Variants in NCOR2 observed in about 807,000 individuals in gnomAD.
NCOR2 encodes the protein nuclear receptor corepressor 2.
Under a neutral mutation model 262.9 loss-of-function variants are expected in NCOR2, and 81 were observed. That is an observed-to-expected ratio of 0.31 (90% CI 0.26 to 0.37). NCOR2 has a LOEUF of 0.37. Ranked by LOEUF, NCOR2 falls within the 10% of genes least tolerant of loss-of-function variation. The pLI, the probability that NCOR2 is intolerant of heterozygous loss-of-function variation, is 1.00. For synonymous variants in NCOR2, 1,659 were observed against 1,559.3 expected, an observed-to-expected ratio of 1.06 and a Z score of -1.51; for missense variants, 3,385 against 3,621.4, an observed-to-expected ratio of 0.93 and a Z score of 1.68.
chr12:124,370,425 C>A (rs2039403686), intron 20 of NCOR2, among the ~76,000 whole-genome samples: 1 of 152,182 alleles, frequency 6.6e-6, no homozygotes, highest in African/African-American at 2.4e-5. Flanking sequence ...CCAGGGTGAA[C>A]CCCAGGGCAG....
At chr12:124,431,985 C>T (rs2043978416) in intron 8 of NCOR2, among the ~76,000 whole-genome samples, 1 of 151,984 alleles carries the variant, frequency 6.6e-6, no homozygotes, top group African/African-American at 2.4e-5. Flanking sequence ...GGCAGGCAGA[C>T]ACACACACAT....
At chr12:124,493,247 G>A (rs1383117581) in intron 1 of NCOR2, among the ~76,000 whole-genome samples, 1 of 152,176 alleles carries the variant, frequency 6.6e-6, no homozygotes, top group South Asian at 2.1e-4. Context: ...CTAGGAGCCG[G>A]GTGAGGGCGG....
At chr12:124,433,845 TACAC>T (rs1204258133) in intron 8 of NCOR2, among the ~76,000 whole-genome samples, 13 of 18,280 alleles carry the variant, frequency 7.1e-4, no homozygotes, top group African/African-American at 8.3e-4. Context: ...CTCTCTGTCT[TACAC>T]ACACACACAC....
At chr12:124,533,048 TCCCCCACCCCAGTCCCAC>T (rs2050926752) in intron 1 of NCOR2, among the ~76,000 whole-genome samples, 1 of 83,416 alleles carries the variant, frequency 1.2e-5, no homozygotes, top group African/African-American at 6.1e-5. Context: ...CCACTCCTCC[TCCCCCACCCCAGTCCCAC>T]TCCTCCTTCT....
chr12:124,519,249 G>A (rs2050038939), intron 1 of NCOR2, among the ~76,000 whole-genome samples: 1 of 152,104 alleles, frequency 6.6e-6, no homozygotes, highest in South Asian at 2.1e-4. Context: ...CCGTAGAAGG[G>A]GCAGGCTGAG....
intron 20 of NCOR2, among the ~76,000 whole-genome samples, chr12:124,365,049 G>A (rs923303511): frequency 6.6e-6 from 1 of 151,828 alleles, no homozygotes; most frequent in Non-Finnish European, 1.5e-5. Context: ...GCGTTTGCAG[G>A]TATGGAGATG....
chr12:124,481,557 G>A lies in NCOR2; in HGVS notation c.411+2039C>T, dbSNP rs1052456800. Among the ~76,000 whole-genome samples the A allele has an allele frequency of 4.6e-5, 7 of 152,302 alleles. No homozygotes were observed. The highest frequency in any genetic ancestry group is 4.1e-4 in the South Asian group (2 of 4,824). ...TGTGCCTGGGGGAGGGCGCTCCTGC[G>A]GAGGGCACAGCCGGTGCAAAGGTCC... On this transcript the variant is annotated intron_variant, in intron 3 of 46. Coordinates refer to ENST00000405201, the Ensembl canonical transcript of NCOR2. The surrounding 1 kb of genome is among the most constrained non-coding windows in gnomAD (Gnocchi z 4.6).
chr12:124,492,394 G>A (rs1228873720), intron 1 of NCOR2, among the ~76,000 whole-genome samples: 1 of 152,206 alleles, frequency 6.6e-6, no homozygotes, highest in South Asian at 2.1e-4. Flanking sequence ...CCACACTGAG[G>A]TCTCACAGGC....
At chr12:124,518,755 C>T (rs929292858) in intron 1 of NCOR2, among the ~76,000 whole-genome samples, 10 of 152,248 alleles carry the variant, frequency 6.6e-5, no homozygotes, top group Non-Finnish European at 8.8e-5. Context: ...GCTCTTCGCT[C>T]GCTGGCAGGC....
At chr12:124,332,999 C>T in intron 42 of NCOR2, 131 bp downstream of exon 44, 1 of 1,268,486 alleles carries the variant, frequency 7.9e-7, no homozygotes, top group Non-Finnish European at 1.1e-6. Flanking sequence ...ACCTGCTTGG[C>T]AGGCTTGAGG....
At chr12:124,543,889 TGAAGCTCAGG>T (rs2051458962) in intron 1 of NCOR2, among the ~76,000 whole-genome samples, 1 of 152,232 alleles carries the variant, frequency 6.6e-6, no homozygotes, top group African/African-American at 2.4e-5. Context: ...CCTCGGTGCC[TGAAGCTCAGG>T]GTTTCGCTGC....
chr12:124,378,487 C>G lies in NCOR2; in HGVS notation c.2020-103G>C, dbSNP rs1191636015. ...CCGCAGGTGCAAAGGGCAGTGATCC[C>G]GGCCATGTAGCAATGAGGGTGACCG... On this transcript the variant is annotated intron_variant, in intron 17 of 46. Transcript: ENST00000405201. This position sits in a 1 kb window ranked among gnomAD's most constrained non-coding sequence, Gnocchi z 4.2. The G allele has an allele frequency of 1.6e-6, 2 of 1,227,138 alleles. No homozygotes were observed. The highest frequency in any genetic ancestry group is 2.2e-6 in the Non-Finnish European group (2 of 901,734). 76.0% of individuals were successfully genotyped at this position (1,227,138 alleles called of 1,614,324 possible).
rs775249993 is a variant in NCOR2, at chr12:124,457,196, T to A, written c.706-34A>T. On this transcript the variant is annotated intron_variant, in intron 5 of 46. Transcript: ENST00000405201. This position sits in a 1 kb window ranked among gnomAD's most constrained non-coding sequence, Gnocchi z 4.0. ...TGATGGCGAAGAGGAGGAATTTTTT[T>A]AAAAAACAAAAAAACACAGATTATA... 22 of 1,535,472 alleles carry A rather than the reference T, an allele frequency of 1.4e-5. No individual in the cohort carries two copies. Among genetic ancestry groups the A allele is most frequent in the Admixed American group, 4.8e-5 (2 of 41,662 alleles).
chr12:124,355,450 T>G lies in NCOR2; in HGVS notation c.3363A>C (p.Gln1121His), dbSNP rs749987781. Residue 1121 changes from glutamine to histidine, a missense_variant, in exon 24 of 47, where the codon CAA (glutamine) becomes CAC (histidine). Transcript: ENST00000405201. ...CACTCACTTGGGAGATGGCACCTAT[T>G]TGCCTCTCGAGGACGCTGGGGTGCT... The G allele has an allele frequency of 1.9e-5, 30 of 1,613,256 alleles. No individual in the cohort carries two copies. The South Asian group carries it at 3.3e-4, about 18-fold the overall frequency.
Position 124,473,226 on chromosome 12 carries a change from T to C in NCOR2, c.412-95A>G, listed in dbSNP as rs1000306128. On this transcript the variant is annotated intron_variant, in intron 3 of 46. Transcript: ENST00000405201. ...GGTTAATACTGTCAACCTGATTGGA[T>C]TGAAGGAGGCAAAGTATTGATCCTC... 45 of 1,410,418 alleles carry C rather than the reference T, an allele frequency of 3.2e-5. No homozygotes were observed. The Admixed American group carries it at 6.8e-4, about 21-fold the overall frequency. The allele number at this position is 1,410,418 out of a possible 1,614,324, so 87.4% of individuals were successfully genotyped here. A position where few individuals can be genotyped will look rare whatever the true frequency, so the allele number is the denominator to read the frequency against.
chr12:124,551,109 C>G (rs773876612), intron 1 of NCOR2, among the ~76,000 whole-genome samples: 4 of 152,196 alleles, frequency 2.6e-5, no homozygotes, highest in Non-Finnish European at 5.9e-5. Flanking sequence ...GTCTATTACC[C>G]TTCTAATTCT....
At chr12:124,533,986 G>A (rs2137180127) in intron 1 of NCOR2, among the ~76,000 whole-genome samples, 1 of 150,972 alleles carries the variant, frequency 6.6e-6, no homozygotes, top group South Asian at 2.1e-4. Context: ...TATTTTCTGG[G>A]TGGCCCAAGA....
chr12:124,335,556 G>A, exon 39 of NCOR2: 1 of 1,609,592 alleles, frequency 6.2e-7, no homozygotes, highest in South Asian at 1.1e-5. Context: ...GGAGCCCCTT[G>A]TCGTGGGTCA....
At chr12:124,448,569 G>A (rs972591966) in intron 7 of NCOR2, among the ~76,000 whole-genome samples, 1 of 152,174 alleles carries the variant, frequency 6.6e-6, no homozygotes, top group African/African-American at 2.4e-5. Flanking sequence ...AAGTATCTTT[G>A]TCAGGTGCTC....
Sources: gnomAD v4.1 joint callset for allele counts (sites outside exome capture counted in the v4.1 genomes callset) on GRCh38, gnomAD v4.1.1 for gene constraint, Gnocchi (gnomAD v3.1) non-coding constraint, MANE v1.5 for transcripts, NCBI Gene and HGNC (gene_info 2026-07-23, HGNC 2026-07-21) for gene names.